The following DSG2 variants were observed in gnomAD, a reference collection of about 807,000 sequenced individuals.
DSG2 encodes the protein desmoglein 2.
In DSG2, 45 loss-of-function variants were observed where a neutral mutation model predicts 75.6. The ratio of observed to expected loss-of-function variants is 0.60; its 90% CI spans 0.47 to 0.76. DSG2 has a LOEUF of 0.76. Ranked by LOEUF, DSG2 falls within the 30% of genes least tolerant of loss-of-function variation. DSG2 has a pLI of 0.00. For synonymous variants in DSG2, 429 were observed against 483.9 expected, an observed-to-expected ratio of 0.89 and a Z score of 1.49; for missense variants, 1,267 against 1,357.4, an observed-to-expected ratio of 0.93 and a Z score of 1.05.
chr18:31,544,718 GAAATA>G (rs1204281905), intron 14 of DSG2, among the ~76,000 whole-genome samples: 1 of 152,114 alleles, frequency 6.6e-6, no homozygotes, highest in African/African-American at 2.4e-5. Context: ...ATGGATGTTA[GAAATA>G]AAATAAAGAA....
chr18:31,508,736 T>C (rs571187789), intron 1 of DSG2, among the ~76,000 whole-genome samples: 3 of 152,272 alleles, frequency 2.0e-5, no homozygotes, highest in African/African-American at 7.2e-5. Flanking sequence ...ACACATCTTT[T>C]CACACATCTG....
At chr18:31,499,966 A>G (rs946334661) in intron 1 of DSG2, among the ~76,000 whole-genome samples, 4 of 134,574 alleles carry the variant, frequency 3.0e-5, no homozygotes, top group Non-Finnish European at 4.6e-5. Flanking sequence ...GAATATGTTT[A>G]TTTTTGTCCA....
At chr18:31,523,296 G>A (rs1012279784) in intron 6 of DSG2, among the ~76,000 whole-genome samples, 52 of 152,112 alleles carry the variant, frequency 3.4e-4, no homozygotes, top group Non-Finnish European at 1.2e-4. Flanking sequence ...AGCTACTCGG[G>A]AGGCTGAGGC....
At chr18:31,500,911 G>A (rs544650630) in intron 1 of DSG2, among the ~76,000 whole-genome samples, 1 of 152,168 alleles carries the variant, frequency 6.6e-6, no homozygotes, top group African/African-American at 2.4e-5. Context: ...AACTAACTTC[G>A]GACTGAAATT....
chr18:31,522,482 A>G, intron 6 of DSG2: 1 of 394,840 alleles, frequency 2.5e-6, no homozygotes, highest in South Asian at 4.6e-5. Context: ...AATGTGTAAT[A>G]TATGCACCAG....
chr18:31,518,169 T>C (rs376794361), intron 1 of DSG2, 70 bp from the exon 2 acceptor site: 367 of 1,218,754 alleles, frequency 3.0e-4, no homozygotes, highest in African/African-American at 1.0e-3. Context: ...CAGTAGGTTA[T>C]TCATGAACAA....
chr18:31,524,096 T>C (rs529475664), intron 6 of DSG2, among the ~76,000 whole-genome samples: 1 of 152,226 alleles, frequency 6.6e-6, no homozygotes, highest in Non-Finnish European at 1.5e-5. Context: ...CAGCTTCTCC[T>C]CACTGAGAAT....
At chr18:31,520,210 C>T (rs1335215628) in intron 3 of DSG2, among the ~76,000 whole-genome samples, 1 of 152,136 alleles carries the variant, frequency 6.6e-6, no homozygotes, top group African/African-American at 2.4e-5. Context: ...GGATTTGGCA[C>T]TGGTAACACA....
chr18:31,529,771 A>G (rs1353557295), intron 8 of DSG2, among the ~76,000 whole-genome samples: 1 of 152,210 alleles, frequency 6.6e-6, no homozygotes, highest in Non-Finnish European at 1.5e-5. Context: ...TAGTGCATCT[A>G]AATGGTCAGA....
chr18:31,505,432 C>T (rs895792129), intron 1 of DSG2, among the ~76,000 whole-genome samples: 6 of 152,294 alleles, frequency 3.9e-5, no homozygotes, highest in Non-Finnish European at 7.4e-5. Flanking sequence ...GGTTTCCTAC[C>T]TCATAGTAGT....
intron 1 of DSG2, among the ~76,000 whole-genome samples, chr18:31,517,810 T>G (rs2073102489): frequency 1.3e-5 from 2 of 152,096 alleles, no homozygotes; most frequent in Middle Eastern, 3.4e-3. Context: ...GTGTGTTTTT[T>G]TGTGTGTGTA....
intron 8 of DSG2, among the ~76,000 whole-genome samples, chr18:31,525,918 G>A (rs4471764): frequency 0.23 from 34,901 of 151,840 alleles, 4,366 homozygotes; most frequent in East Asian, 0.29. Flanking sequence ...CGAGGAGGGC[G>A]GATCACGAGG....
In DSG2 at chr18:31,536,418, C is replaced by T. The variant is rs1237590165; in HGVS notation, c.1640C>T (p.Ala547Val). ...GGCATGGCAGAAAAATGGAAAATAG[C>T]ACGCCAAGAAAGTAAGCAAAATCAC... ...PPGMAEKWKIARQESTSVLLQ... is the reference protein window; with the variant it reads ...PPGMAEKWKIVRQESTSVLLQ... The change falls in exon 11 of 15, where the codon GCA becomes GTA. Residue 547 changes from alanine (A) to valine (V), a missense_variant. Coordinates refer to ENST00000261590, the MANE Select transcript of DSG2 (RefSeq NM_001943.5). 6.2e-7 allele frequency: 1 copy of T among 1,613,510 alleles called. No homozygotes were observed. Among genetic ancestry groups the T allele is most frequent in the Non-Finnish European group, 8.5e-7 (1 of 1,179,980 alleles).
At chr18:31,532,127 G>A (rs577926006) in intron 9 of DSG2, among the ~76,000 whole-genome samples, 23 of 152,128 alleles carry the variant, frequency 1.5e-4, no homozygotes, top group Non-Finnish European at 2.6e-4. Flanking sequence ...ATAAAAATAC[G>A]TTAGACCAAG....
chr18:31,521,750 T>G (rs1040221023), intron 5 of DSG2, among the ~76,000 whole-genome samples: 11 of 152,206 alleles, frequency 7.2e-5, no homozygotes, highest in African/African-American at 2.7e-4. Flanking sequence ...TTCTCCTGAT[T>G]TGTTTGTATC....
At chr18:31,513,689 C>T (rs1351024243) in intron 1 of DSG2, among the ~76,000 whole-genome samples, 2 of 152,184 alleles carry the variant, frequency 1.3e-5, no homozygotes, top group African/African-American at 2.4e-5. Context: ...AGGATCTCCT[C>T]CCCGCTTCCC....
intron 10 of DSG2, 79 bp downstream of exon 10, chr18:31,535,491 A>G: frequency 7.5e-7 from 1 of 1,341,108 alleles, no homozygotes; most frequent in Non-Finnish European, 1.1e-6. Flanking sequence ...CATTGATTTG[A>G]TTGTGTATAA....
chr18:31,510,333 A>T (rs1278602463), intron 1 of DSG2, among the ~76,000 whole-genome samples: 1 of 152,184 alleles, frequency 6.6e-6, no homozygotes, highest in Non-Finnish European at 1.5e-5. Context: ...TCTTAGTCTG[A>T]TCTATTAAAG....
Position 31,522,217 on chromosome 18 carries a change from A to G in DSG2, c.658A>G (p.Ile220Val), listed in dbSNP as rs759483790. 2 of 1,613,802 alleles carry G rather than the reference A, an allele frequency of 1.2e-6. No individual in the cohort carries two copies. The highest frequency in any genetic ancestry group is 8.5e-7 in the Non-Finnish European group (1 of 1,179,764). The change falls in exon 6 of 15, where the codon ATT becomes GTT. Residue 220 changes from isoleucine to valine, a missense_variant. Ile to Val is a conservative substitution (Grantham distance 29). Transcript: ENST00000261590. Reference sequence around the variant, plus strand: ...CTACCTAAATAAAGATACAGGAGAGATTTATACAACCAGTGTTACCTTGGA... The same window carrying G: ...CTACCTAAATAAAGATACAGGAGAGGTTTATACAACCAGTGTTACCTTGGA... ...VFYLNKDTGE[I>V]YTTSVTLDRE... is the part of the protein sequence containing the mutation.
Sources: gnomAD v4.1 joint callset for allele counts (sites outside exome capture counted in the v4.1 genomes callset) on GRCh38, gnomAD v4.1.1 for gene constraint, MANE v1.5 for transcripts, NCBI Gene and HGNC (gene_info 2026-07-23, HGNC 2026-07-21) for gene names.